MKLN1: variants seen among roughly 807,000 people sequenced by gnomAD.
MKLN1 encodes muskelin.
In MKLN1, 18 loss-of-function variants were observed where a neutral mutation model predicts 99.0. The observed-to-expected ratio is 0.18, with a 90% CI of 0.13 to 0.27. MKLN1 has a LOEUF of 0.27. MKLN1 is among the 10% of genes least tolerant of loss of function. The pLI is 1.00. For synonymous variants in MKLN1, 288 were observed against 293.2 expected, an observed-to-expected ratio of 0.98 and a Z score of 0.18; for missense variants, 621 against 875.9, an observed-to-expected ratio of 0.71 and a Z score of 3.67.
At chr7:131,209,676 C>T (rs1796871648) in intron 3 of MKLN1, among the ~76,000 whole-genome samples, 1 of 152,144 alleles carries the variant, frequency 6.6e-6, no homozygotes, top group South Asian at 2.1e-4. Flanking sequence ...TTTAGGATGA[C>T]AGTTTGTCCA....
Position 131,471,053 on chromosome 7 carries a change from T to C in MKLN1, c.2031+109T>C, listed in dbSNP as rs145347271. The C allele has an allele frequency of 4.6e-3, 3,122 of 684,418 alleles. 15 individuals carry two copies. The highest frequency in any genetic ancestry group is 6.4e-3 in the Non-Finnish European group (2,601 of 408,008). The allele number at this position is 684,418 out of a possible 1,614,324, so 42.4% of individuals were successfully genotyped here. A position where few individuals can be genotyped will look rare whatever the true frequency, so the allele number is the denominator to read the frequency against. ...TGTGTAAAGGAAAACGAAGAAAATA[T>C]GATGACATCAGTAATCTTTAAAATG... On this transcript the variant is annotated intron_variant, in intron 16 of 17. Coordinates refer to ENST00000352689, the MANE Select transcript of MKLN1 (RefSeq NM_013255.5).
chr7:131,166,755 G>A (rs1355034058), intron 2 of MKLN1, among the ~76,000 whole-genome samples: 4 of 152,042 alleles, frequency 2.6e-5, no homozygotes, highest in Non-Finnish European at 5.9e-5. Flanking sequence ...GCACGATCTC[G>A]GCTCACTGCA....
At chr7:131,409,925 T>C (rs916159957) in intron 6 of MKLN1, among the ~76,000 whole-genome samples, 3 of 152,194 alleles carry the variant, frequency 2.0e-5, no homozygotes, top group Admixed American at 6.5e-5. Flanking sequence ...AAATTTGCTT[T>C]AATATTTGTA....
At chr7:131,215,896 G>T (rs1050182787) in intron 3 of MKLN1, among the ~76,000 whole-genome samples, 1 of 151,980 alleles carries the variant, frequency 6.6e-6, no homozygotes, top group Non-Finnish European at 1.5e-5. Flanking sequence ...GTTTGTTTGG[G>T]GGGGATAGGG....
At chr7:131,344,626 A>C (rs1248806634) in intron 1 of MKLN1, among the ~76,000 whole-genome samples, 2 of 152,138 alleles carry the variant, frequency 1.3e-5, no homozygotes, top group Non-Finnish European at 2.9e-5. Context: ...ATTCTTTCCT[A>C]AAATTGATCT....
At chr7:131,361,167 A>T (rs537239057) in intron 1 of MKLN1, among the ~76,000 whole-genome samples, 1 of 151,792 alleles carries the variant, frequency 6.6e-6, no homozygotes, top group Non-Finnish European at 1.5e-5. Flanking sequence ...TTCTCTGGTC[A>T]GTGGTTTGGT....
intron 2 of MKLN1, among the ~76,000 whole-genome samples, chr7:131,186,308 A>G (rs2037170082): frequency 6.6e-6 from 1 of 152,174 alleles, no homozygotes; most frequent in Non-Finnish European, 1.5e-5. Context: ...GTTCAAGACC[A>G]GCCTGGGCAA....
intron 3 of MKLN1, among the ~76,000 whole-genome samples, chr7:131,210,232 A>G (rs936736278): frequency 6.6e-6 from 1 of 152,168 alleles, no homozygotes; most frequent in Non-Finnish European, 1.5e-5. Flanking sequence ...TTATAGCACT[A>G]GAAAACATGA....
rs12532463 is a variant in MKLN1 at position 131,259,621 on chromosome 7, A to T, written c.-179+56647A>T. On this transcript the variant is annotated intron_variant, in intron 3 of 7. Coordinates refer to the MKLN1 transcript ENST00000416992. ...GGTTCACATAATTCAAGAGAATCAA[A>T]TACTCATCTACATTAAAAATTTCCC... is the stretch of plus-strand genomic sequence containing the variant. Among the ~76,000 whole-genome samples, 686 of 152,308 alleles carry T rather than the reference A, an allele frequency of 4.5e-3. 5 individuals carry two copies. Among genetic ancestry groups the T allele is most frequent in the Non-Finnish European group, 7.8e-3 (530 of 68,026 alleles).
At position 131,257,432 on chromosome 7, in the gene MKLN1, C is replaced by T. The variant is rs150026343; in HGVS notation, c.-179+54458C>T. Among the ~76,000 whole-genome samples the T allele has an allele frequency of 5.9e-5, 9 of 152,220 alleles. No individual in the cohort carries two copies. In the East Asian group the frequency reaches 1.7e-3, roughly 29 times the overall value. ...ATAATGAAAGCAAAACAAACCAAAA[C>T]TTATGGGAAGCCTAAATTTAAGTTG... On this transcript the variant is annotated intron_variant, in intron 3 of 7. Coordinates refer to the MKLN1 transcript ENST00000416992.
intron 3 of MKLN1, among the ~76,000 whole-genome samples, chr7:131,263,368 T>TATTAATAATAATAATAAA (rs1797762424): frequency 2.1e-5 from 3 of 140,350 alleles, no homozygotes; most frequent in Non-Finnish European, 4.6e-5. Flanking sequence ...ATAATAATAA[T>TATTAATAATAATAATAAA]AATAAAATTA....
intron 2 of MKLN1, among the ~76,000 whole-genome samples, chr7:131,182,823 T>A (rs552992996): frequency 6.6e-6 from 1 of 152,312 alleles, no homozygotes; most frequent in East Asian, 1.9e-4. Context: ...ATACATAATC[T>A]TTGCCTAGGG....
At chr7:131,175,148 G>T (rs905664739) in intron 2 of MKLN1, among the ~76,000 whole-genome samples, 1 of 131,960 alleles carries the variant, frequency 7.6e-6, no homozygotes, top group Non-Finnish European at 1.6e-5. Flanking sequence ...ATGGATGGGT[G>T]GATGGATAGA....
chr7:131,468,974 G>C (rs138707781), intron 15 of MKLN1, among the ~76,000 whole-genome samples: 1 of 152,102 alleles, frequency 6.6e-6, no homozygotes, highest in Admixed American at 6.6e-5. Flanking sequence ...GCATTTGAAC[G>C]GTGAAACTGG....
intron 3 of MKLN1, among the ~76,000 whole-genome samples, chr7:131,254,269 A>G (rs1387574092): frequency 6.6e-6 from 1 of 152,238 alleles, no homozygotes; most frequent in Non-Finnish European, 1.5e-5. Context: ...AACTAGCCAC[A>G]TCACTAAAGA....
At chr7:131,356,717 ATTC>A (rs989559374) in intron 1 of MKLN1, among the ~76,000 whole-genome samples, 8 of 152,206 alleles carry the variant, frequency 5.3e-5, no homozygotes, top group African/African-American at 1.9e-4. Context: ...AAAGGACAGT[ATTC>A]TTCATCGAGG....
intron 3 of MKLN1, among the ~76,000 whole-genome samples, chr7:131,280,858 C>A (rs1412728149): frequency 6.6e-6 from 1 of 152,000 alleles, no homozygotes; most frequent in African/African-American, 2.4e-5. Context: ...CTATGTTGAC[C>A]AGGCTGTCTT....
chr7:131,375,948 C>G (rs1394813589), intron 2 of MKLN1, among the ~76,000 whole-genome samples: 3 of 150,144 alleles, frequency 2.0e-5, no homozygotes, highest in African/African-American at 7.3e-5. Flanking sequence ...TAAAATCAGT[C>G]TTTCAGTTAT....
chr7:131,145,053 T>G (rs954635297), intron 2 of MKLN1, among the ~76,000 whole-genome samples: 1 of 152,090 alleles, frequency 6.6e-6, no homozygotes, highest in African/African-American at 2.4e-5. Context: ...TCTCCAGGGA[T>G]CTAATGAAAA....
Sources: allele counts gnomAD v4.1 joint callset (sites outside exome capture counted in the v4.1 genomes callset), GRCh38; gene constraint gnomAD v4.1.1; transcripts MANE v1.5; gene names NCBI Gene and HGNC (gene_info 2026-07-23, HGNC 2026-07-21).